Variants in MYO6 observed in about 807,000 individuals in gnomAD.
The protein encoded by MYO6 is myosin VI.
MYO6 carries 74 observed loss-of-function variants against 178.7 expected under a neutral mutation model. That is an observed-to-expected ratio of 0.41 (90% CI 0.34 to 0.50). MYO6 has a LOEUF of 0.50. MYO6 is among the 20% of genes least tolerant of loss of function. The probability of loss-of-function intolerance (pLI) is 0.09; values close to 1 mark genes in which losing one functional copy is unlikely to be tolerated. For synonymous variants in MYO6, 477 were observed against 504.6 expected, an observed-to-expected ratio of 0.95 and a Z score of 0.73; for missense variants, 1,330 against 1,547.4, an observed-to-expected ratio of 0.86 and a Z score of 2.36.
chr6:75,765,713 A>G (rs1351844218), intron 1 of MYO6, among the ~76,000 whole-genome samples: 4 of 152,016 alleles, frequency 2.6e-5, no homozygotes, highest in Non-Finnish European at 5.9e-5. Flanking sequence ...ATGCCACTGC[A>G]CTGATACAGC....
intron 29 of MYO6, among the ~76,000 whole-genome samples, chr6:75,897,524 G>C (rs1426543851): frequency 6.6e-6 from 1 of 152,160 alleles, no homozygotes; most frequent in Non-Finnish European, 1.5e-5. Context: ...CAGGGTCCCA[G>C]CTCTTGGCAG....
At chr6:75,830,853 T>A (rs1363593563) in intron 5 of MYO6, among the ~76,000 whole-genome samples, 1 of 152,126 alleles carries the variant, frequency 6.6e-6, no homozygotes, top group Non-Finnish European at 1.5e-5. Context: ...AATGGTACTT[T>A]TAGACTTTTT....
intron 13 of MYO6, among the ~76,000 whole-genome samples, chr6:75,857,792 C>G (rs1200415707): frequency 6.6e-6 from 1 of 152,116 alleles, no homozygotes; most frequent in Non-Finnish European, 1.5e-5. Flanking sequence ...GCTGTTCAAC[C>G]AGAAATGAAA....
At position 75,835,181 on chromosome 6, in the gene MYO6, A is replaced by G. The variant is rs376857141; in HGVS notation, c.498-720A>G. Among the ~76,000 whole-genome samples, 14 of 152,352 alleles carry G rather than the reference A, an allele frequency of 9.2e-5. No individual in the cohort carries two copies. In the East Asian group the frequency reaches 1.7e-3, roughly 19 times the overall value. On this transcript the variant is annotated intron_variant, in intron 6 of 34. Coordinates refer to ENST00000369977, the MANE Select transcript of MYO6 (RefSeq NM_004999.4). ...CTCACAAAAGGCTTTGACATCTCCT[A>G]TAGTTTATGAATATGATATATTTAA...
At chr6:75,838,064 T>C (rs1008633864) in intron 7 of MYO6, among the ~76,000 whole-genome samples, 34 of 151,796 alleles carry the variant, frequency 2.2e-4, no homozygotes, top group Non-Finnish European at 4.1e-4. Flanking sequence ...CTTTTTTTTT[T>C]TTTTTTGAGA....
At chr6:75,783,070 A>G (rs1433446725) in intron 1 of MYO6, among the ~76,000 whole-genome samples, 1 of 152,002 alleles carries the variant, frequency 6.6e-6, no homozygotes, top group Non-Finnish European at 1.5e-5. Flanking sequence ...ATGCGCCACC[A>G]TGCCCAGCTA....
intron 15 of MYO6, among the ~76,000 whole-genome samples, chr6:75,862,218 A>G (rs1776267875): frequency 6.6e-6 from 1 of 152,234 alleles, no homozygotes; most frequent in Non-Finnish European, 1.5e-5. Context: ...TAAAAGTATT[A>G]TTAAAAAGCT....
Position 75,914,962 on chromosome 6 carries a change from C to G in MYO6, c.3808C>G (p.Gln1270Glu). 6.2e-7 allele frequency: 1 copy of G among 1,613,934 alleles called. No homozygotes were observed. The highest frequency in any genetic ancestry group is 8.5e-7 in the Non-Finnish European group (1 of 1,179,996). ...CCTTCAGAATGCGATTGAGAGCAGA[C>G]AGGCTCGGCCCACCTATGCAACAGC... ...QYLQNAIESR[Q>E]ARPTYATAML... The change falls in exon 35 of 35, where the codon CAG becomes GAG. Residue 1270 changes from glutamine to glutamate, a missense_variant. By Grantham distance (29) the Gln-to-Glu change is conservative. This residue lies in a region of MYO6 where 601 missense variants were observed against 626.1 expected (regional missense o/e 0.96). Coordinates refer to ENST00000369977, the MANE Select transcript of MYO6 (RefSeq NM_004999.4).
chr6:75,898,534 T>C lies in MYO6; in HGVS notation c.3176+123T>C, dbSNP rs56298506. On this transcript the variant is annotated intron_variant, in intron 30 of 34. Transcript: ENST00000369977. ...CCTAGTCTTTCTATGTAAAGTGATA[T>C]TTCTTTCTGTACAAGAAATATCACT... 8.1e-4 allele frequency: 656 copies of C among 806,282 alleles called. 2 individuals are homozygous for C. The highest frequency in any genetic ancestry group is 1.2e-3 in the Non-Finnish European group (589 of 479,220). 49.9% of individuals were successfully genotyped at this position (806,282 alleles called of 1,614,324 possible).
intron 6 of MYO6, 107 bp downstream of exon 6, chr6:75,833,054 A>G (rs1773276108): frequency 1.3e-6 from 1 of 764,986 alleles, no homozygotes; most frequent in Non-Finnish European, 2.3e-6. Flanking sequence ...TGTCACCACC[A>G]CAGCTCACTG....
At chr6:75,779,843 A>G (rs1413171721) in intron 1 of MYO6, among the ~76,000 whole-genome samples, 3 of 152,162 alleles carry the variant, frequency 2.0e-5, no homozygotes, top group African/African-American at 4.8e-5. Context: ...TTGTTGCTGT[A>G]GCTTGTTACA....
At chr6:75,810,127 T>C (rs1324459899) in intron 1 of MYO6, among the ~76,000 whole-genome samples, 1 of 151,318 alleles carries the variant, frequency 6.6e-6, no homozygotes, top group East Asian at 1.9e-4. Context: ...GAGGTTCTTG[T>C]TATGTAGAGA....
chr6:75,909,287 C>G (rs1252736498), intron 32 of MYO6, among the ~76,000 whole-genome samples: 4 of 152,136 alleles, frequency 2.6e-5, no homozygotes, highest in Non-Finnish European at 4.4e-5. Context: ...GGTATAAGTA[C>G]TTTTCTGTTG....
intron 7 of MYO6, among the ~76,000 whole-genome samples, chr6:75,840,159 A>AT (rs71002767): frequency 0.41 from 54,381 of 131,852 alleles, 12,168 homozygotes; most frequent in Middle Eastern, 0.57. Flanking sequence ...CTTCATGTTA[A>AT]TTTTTTTTTT....
chr6:75,914,089 C>T lies in MYO6; in HGVS notation c.3466C>T (p.Pro1156Ser), dbSNP rs745600892. 7 of 1,614,146 alleles carry T rather than the reference C, an allele frequency of 4.3e-6. No individual in the cohort carries two copies. Among genetic ancestry groups the T allele is most frequent in the Non-Finnish European group, 5.9e-6 (7 of 1,180,028 alleles). The change falls in exon 34 of 35, where the codon CCT becomes TCT. Residue 1156 changes from proline to serine, a missense_variant. By Grantham distance (74) the Pro-to-Ser change is moderately conservative. This residue lies in a region of MYO6 where 601 missense variants were observed against 626.1 expected (regional missense o/e 0.96). Transcript: ENST00000369977. ...TCAGCAAAACCCAGCAGCTCAGATT[C>T]CTGCCAGGCAGCGGGAGATTGAAAT... is the stretch of plus-strand genomic sequence containing the variant. ...SPQQNPAAQI[P>S]ARQREIEMNR...
At chr6:75,797,190 A>G (rs1329615822) in intron 1 of MYO6, among the ~76,000 whole-genome samples, 3 of 152,170 alleles carry the variant, frequency 2.0e-5, no homozygotes, top group Non-Finnish European at 4.4e-5. Context: ...CCTGGGGTCA[A>G]GCGCTTCTCC....
intron 30 of MYO6, among the ~76,000 whole-genome samples, chr6:75,903,437 T>C (rs1477825687): frequency 6.6e-6 from 1 of 151,282 alleles, no homozygotes; most frequent in African/African-American, 2.4e-5. Flanking sequence ...ATATTTAGGA[T>C]AGTTAGCTCT....
Position 75,822,864 on chromosome 6 carries a change from T to C in MYO6, c.187+13T>C. ...GTGGAAGATAACTGTAAGTACCAAG[T>C]TAAAAATTAACTCTCCGCACAGAAA... On this transcript the variant is annotated intron_variant, in intron 3 of 34. Coordinates refer to ENST00000369977, the MANE Select transcript of MYO6 (RefSeq NM_004999.4). 6.3e-7 allele frequency: 1 copy of C among 1,597,526 alleles called. No homozygotes were observed. Among genetic ancestry groups the C allele is most frequent in the Non-Finnish European group, 8.6e-7 (1 of 1,165,304 alleles).
chr6:75,784,365 G>A (rs1767295546), intron 1 of MYO6, among the ~76,000 whole-genome samples: 1 of 151,972 alleles, frequency 6.6e-6, no homozygotes, highest in South Asian at 2.1e-4. Context: ...AAAAAAAATA[G>A]GATTGGACAC....
Sources: allele counts gnomAD v4.1 joint callset (sites outside exome capture counted in the v4.1 genomes callset), GRCh38; gene constraint gnomAD v4.1.1; regional missense constraint gnomAD v4.1.1; transcripts MANE v1.5; gene names NCBI Gene and HGNC (gene_info 2026-07-23, HGNC 2026-07-21).